Variants in MB observed in about 807,000 individuals in gnomAD.
The protein encoded by MB is nitrite reductase MB.
MB carries 10 observed loss-of-function variants against 14.5 expected under a neutral mutation model. The observed-to-expected ratio is 0.69, with a 90% CI of 0.43 to 1.17. The LOEUF is 1.17. Among genes scored for constraint, MB ranks in the 50% most tolerant of loss-of-function variants. The pLI, the probability that MB is intolerant of heterozygous loss-of-function variation, is 0.00. For missense variants in MB, 169 were observed against 192.7 expected (o/e 0.88, Z 0.73); for synonymous variants, 89 against 78.6 (o/e 1.13, Z -0.70).
At chr22:35,611,305 G>T (rs1922609023) in intron 1 of MB, among the ~76,000 whole-genome samples, 199 bp from the exon 2 acceptor site, 1 of 152,208 alleles carries the variant, frequency 6.6e-6, no homozygotes, top group Non-Finnish European at 1.5e-5. Context: ...AAGTGAGATA[G>T]TGTGTGCTAT....
upstream of MB, among the ~76,000 whole-genome samples, chr22:35,618,824 C>A (rs912509508): frequency 3.3e-5 from 5 of 151,720 alleles, no homozygotes; most frequent in Admixed American, 3.3e-4. Context: ...TCCATCCACC[C>A]ATCCCCTCAT....
Position 35,607,404 on chromosome 22 carries a change from G to T in MB, c.358C>A (p.His120Asn), listed in dbSNP as rs578101850. The change falls in exon 3 of 3, where the codon CAT becomes AAT. Residue 120 changes from histidine to asparagine, a missense_variant. His to Asn is a moderately conservative substitution (Grantham distance 68). Coordinates refer to ENST00000397326, the MANE Select transcript of MB (RefSeq NM_005368.3). Reference sequence around the variant, plus strand: ...GCATCAGCACCAAAGTCCCCGGGATGCTTGCTCTGCAGAACCTGGATGATG... The same window carrying T: ...GCATCAGCACCAAAGTCCCCGGGATTCTTGCTCTGCAGAACCTGGATGATG... ...ECIIQVLQSK[H>N]PGDFGADAQG... The T allele has an allele frequency of 1.5e-5, 24 of 1,613,976 alleles. No homozygotes were observed. The highest frequency in any genetic ancestry group is 1.9e-5 in the Non-Finnish European group (23 of 1,179,934).
At chr22:35,616,291 G>T (rs1355882114) in intron 1 of MB, among the ~76,000 whole-genome samples, 1 of 152,146 alleles carries the variant, frequency 6.6e-6, no homozygotes, top group Non-Finnish European at 1.5e-5. Context: ...GAGCTTCTAT[G>T]TACAAACCAC....
At chr22:35,609,836 C>T (rs939493110) in intron 2 of MB, among the ~76,000 whole-genome samples, 9 of 152,222 alleles carry the variant, frequency 5.9e-5, no homozygotes, top group Admixed American at 3.9e-4. Flanking sequence ...AGGATGGCTC[C>T]GTAACTAACT....
chr22:35,609,349 A>T (rs1328699320), intron 2 of MB, among the ~76,000 whole-genome samples: 1 of 152,192 alleles, frequency 6.6e-6, no homozygotes, highest in East Asian at 1.9e-4. Flanking sequence ...GGTTCCAAGC[A>T]GGGGAGATGG....
intron 1 of MB, chr22:35,615,628 CAG>C (rs1216562145): frequency 1.3e-5 from 2 of 152,240 alleles, no homozygotes; most frequent in African/African-American, 2.4e-5. Context: ...ATCAAGGACT[CAG>C]AGAATTCTAG....
At chr22:35,610,006 G>A (rs1922478580) in intron 2 of MB, among the ~76,000 whole-genome samples, 1 of 152,178 alleles carries the variant, frequency 6.6e-6, no homozygotes, top group South Asian at 2.1e-4. Context: ...GCAACTTTGA[G>A]GATGGATGCC....
upstream of MB, among the ~76,000 whole-genome samples, chr22:35,618,274 T>A (rs769588776): frequency 2.6e-5 from 4 of 152,222 alleles, no homozygotes; most frequent in Non-Finnish European, 4.4e-5. Context: ...TCTTTGCAGT[T>A]TTCAGGAGGG....
chr22:35,617,111 C>G lies in MB; in HGVS notation c.95+52G>C, dbSNP rs1923130517. On this transcript the variant is annotated intron_variant, in intron 1 of 2. Coordinates refer to ENST00000397326, the MANE Select transcript of MB (RefSeq NM_005368.3). Reference sequence around the variant, plus strand: ...AAACTTTCCACCTTGCAGCTGAACACCCTTGATCTTAGGGTGTGGGTGGCA... The same window carrying G: ...AAACTTTCCACCTTGCAGCTGAACAGCCTTGATCTTAGGGTGTGGGTGGCA... 2.1e-6 allele frequency: 3 copies of G among 1,435,136 alleles called. No homozygotes were observed. In the African/African-American group the frequency reaches 4.2e-5, roughly 20 times the overall value. The allele number at this position is 1,435,136 out of a possible 1,614,324, so 88.9% of individuals were successfully genotyped here.
At position 35,610,962 on chromosome 22, in the gene MB, C is replaced by T. The variant is rs376550968; in HGVS notation, c.240G>A (p.Lys80=). Residue 80 remains lysine (K), a synonymous_variant, in exon 2 of 3, where the codon AAG becomes AAA. Transcript: ENST00000397326. ...GCTTAATCTCTGCCTCATGATGCCC[C>T]TTCTTCTTAAGGATGCCACCCAGGG... ...LTALGGILKK[K]GHHEAEIKPL... is the part of the protein sequence containing the mutation. The T allele has an allele frequency of 8.1e-6, 13 of 1,614,086 alleles. No individual in the cohort carries two copies. The highest frequency in any genetic ancestry group is 1.1e-5 in the Non-Finnish European group (13 of 1,180,042).
chr22:35,621,656 T>C (rs527957609), upstream of MB, among the ~76,000 whole-genome samples: 14 of 152,286 alleles, frequency 9.2e-5, no homozygotes, highest in East Asian at 1.9e-4. Flanking sequence ...AAAAATCCTT[T>C]TTTATGTCGA....
chr22:35,607,373 C>G lies in MB; in HGVS notation c.389G>C (p.Gly130Ala). ...CAGCTCCAGGGCCTTGTTCATGGCC[C>G]CCTGGGCATCAGCACCAAAGTCCCC... ...HPGDFGADAQ[G>A]AMNKALELFR... The change falls in exon 3 of 3, where the codon GGG (glycine) becomes GCG (alanine). Residue 130 changes from glycine to alanine, a missense_variant. Coordinates refer to ENST00000397326, the MANE Select transcript of MB (RefSeq NM_005368.3). 1 of 1,614,160 alleles carries G rather than the reference C, an allele frequency of 6.2e-7. No homozygotes were observed. Among genetic ancestry groups the G allele is most frequent in the East Asian group, 2.2e-5 (1 of 44,876 alleles).
At chr22:35,621,151 A>G (rs901291806), upstream of MB, among the ~76,000 whole-genome samples, 1 of 152,192 alleles carries the variant, frequency 6.6e-6, no homozygotes. Flanking sequence ...CTGCAGACAC[A>G]TGATAGGAAA....
At chr22:35,615,319 A>G (rs1442131158) in intron 1 of MB, among the ~76,000 whole-genome samples, 2 of 152,182 alleles carry the variant, frequency 1.3e-5, no homozygotes, top group African/African-American at 4.8e-5. Flanking sequence ...AGAGGGCAGA[A>G]CCAGCTGGCA....
chr22:35,619,313 A>G (rs1364445852), upstream of MB, among the ~76,000 whole-genome samples: 1 of 152,206 alleles, frequency 6.6e-6, no homozygotes, highest in Non-Finnish European at 1.5e-5. Context: ...GCTTGGCAAG[A>G]TTACATCTAA....
chr22:35,623,084 C>G (rs1417658800), intron 1 of MB: 1 of 152,328 alleles, frequency 6.6e-6, no homozygotes, highest in East Asian at 1.9e-4. Flanking sequence ...TTAGTGCACA[C>G]CAGGGACACC....
intron 2 of MB, among the ~76,000 whole-genome samples, chr22:35,610,574 GAT>G (rs1298212068): frequency 6.6e-6 from 1 of 152,204 alleles, no homozygotes; most frequent in African/African-American, 2.4e-5. Context: ...AAGTGGATAT[GAT>G]AATGGTACCT....
upstream of MB, among the ~76,000 whole-genome samples, chr22:35,621,494 C>T (rs1276035699): frequency 2.0e-5 from 3 of 152,180 alleles, no homozygotes; most frequent in Non-Finnish European, 2.9e-5. Context: ...GCAGAGAAAT[C>T]TAGAATTATA....
intron 1 of MB, among the ~76,000 whole-genome samples, chr22:35,612,415 C>CT (rs1245798212): frequency 1.3e-5 from 2 of 151,968 alleles, no homozygotes; most frequent in East Asian, 1.9e-4. Flanking sequence ...TTTTGTTTTT[C>CT]TTTTTTGAGA....
Sources: gnomAD v4.1 joint callset for allele counts (sites outside exome capture counted in the v4.1 genomes callset) on GRCh38, gnomAD v4.1.1 for gene constraint, MANE v1.5 for transcripts, NCBI Gene and HGNC (gene_info 2026-07-23, HGNC 2026-07-21) for gene names.